Variants in NOS1AP observed in about 807,000 individuals in gnomAD.
NOS1AP encodes the protein carboxyl-terminal PDZ ligand of neuronal nitric oxide synthase protein.
A neutral mutation model predicts 56.2 loss-of-function variants in NOS1AP; 21 were observed. That is an observed-to-expected ratio of 0.37 (90% CI 0.26 to 0.54). The LOEUF (loss-of-function observed/expected upper bound fraction) is 0.54, where lower values mean the gene tolerates loss of function less well. Among genes scored for constraint, NOS1AP ranks in the 20% least tolerant of loss-of-function variants. The pLI is 0.84. For synonymous variants in NOS1AP, 270 were observed against 274.6 expected, an observed-to-expected ratio of 0.98 and a Z score of 0.17; for missense variants, 522 against 657.8, an observed-to-expected ratio of 0.79 and a Z score of 2.26.
chr1:162,347,713 A>G (rs572518406), intron 6 of NOS1AP, among the ~76,000 whole-genome samples: 1 of 152,108 alleles, frequency 6.6e-6, no homozygotes, highest in Non-Finnish European at 1.5e-5. Context: ...TTCCCTGGGG[A>G]CTCAGTGGGG....
chr1:162,312,793 G>A (rs1377700951), intron 4 of NOS1AP, among the ~76,000 whole-genome samples: 3 of 151,856 alleles, frequency 2.0e-5, no homozygotes, highest in African/African-American at 7.3e-5. Context: ...TGATCAAGTG[G>A]GCTTCATCCC....
intron 1 of NOS1AP, among the ~76,000 whole-genome samples, chr1:162,113,052 G>A (rs4278353): frequency 0.026 from 3,957 of 152,224 alleles, 159 homozygotes; most frequent in African/African-American, 0.089. Context: ...AGGTATATTA[G>A]GTCAGTGGGT....
chr1:162,362,838 C>A, intron 8 of NOS1AP: 1 of 421,742 alleles, frequency 2.4e-6, no homozygotes, highest in Non-Finnish European at 3.2e-6. Context: ...TTCTCCATGC[C>A]TCCCTTTCCA....
intron 2 of NOS1AP, among the ~76,000 whole-genome samples, chr1:162,193,142 C>T (rs1189543661): frequency 1.3e-5 from 2 of 152,266 alleles, no homozygotes; most frequent in South Asian, 4.1e-4. Context: ...TCTCAGGCTG[C>T]AAGAAACACT....
At chr1:162,361,841 T>C (rs1657914507) in intron 8 of NOS1AP, among the ~76,000 whole-genome samples, 1 of 152,246 alleles carries the variant, frequency 6.6e-6, no homozygotes, top group Non-Finnish European at 1.5e-5. Flanking sequence ...ATTTTTTTCC[T>C]GGCTTCTGTA....
At chr1:162,168,635 A>T (rs1165838754) in intron 2 of NOS1AP, among the ~76,000 whole-genome samples, 2 of 151,488 alleles carry the variant, frequency 1.3e-5, no homozygotes, top group Non-Finnish European at 3.0e-5. Context: ...GCTTGTGGGC[A>T]GGGGGGTGTG....
chr1:162,224,125 C>T (rs1236795785), intron 2 of NOS1AP, among the ~76,000 whole-genome samples: 1 of 151,888 alleles, frequency 6.6e-6, no homozygotes, highest in Non-Finnish European at 1.5e-5. Flanking sequence ...ATTTTGCAGT[C>T]CTAACGCTTT....
chr1:162,169,404 T>C (rs957231742), intron 2 of NOS1AP, among the ~76,000 whole-genome samples: 3 of 152,256 alleles, frequency 2.0e-5, no homozygotes, highest in African/African-American at 7.2e-5. Flanking sequence ...GGGGTGCTAA[T>C]GAGGAGTCAG....
chr1:162,311,426 C>T (rs1255414433), intron 4 of NOS1AP, among the ~76,000 whole-genome samples: 2 of 152,150 alleles, frequency 1.3e-5, no homozygotes, highest in Non-Finnish European at 2.9e-5. Context: ...TAGTGAGTCT[C>T]AGTTAATACC....
intron 2 of NOS1AP, among the ~76,000 whole-genome samples, chr1:162,184,422 G>A (rs911519604): frequency 3.9e-5 from 6 of 152,206 alleles, no homozygotes; most frequent in Non-Finnish European, 7.3e-5. Flanking sequence ...TAATAGACAT[G>A]CTTGACACAG....
chr1:162,310,820 G>T (rs921811739), intron 4 of NOS1AP, among the ~76,000 whole-genome samples: 1 of 151,994 alleles, frequency 6.6e-6, no homozygotes, highest in African/African-American at 2.4e-5. Flanking sequence ...ACCTCTCTGA[G>T]ATTCCTCAGC....
Position 162,137,046 on chromosome 1 carries a change from C to T in NOS1AP, c.106-17359C>T, listed in dbSNP as rs77771805. On this transcript the variant is annotated intron_variant, in intron 1 of 9. Coordinates refer to ENST00000361897, the MANE Select transcript of NOS1AP (RefSeq NM_014697.3). ...GGTACTTGATCTCTGAATTTCCGTT[C>T]TACCCTCAGTCCTCTTGGGCCTTGG... Among the ~76,000 whole-genome samples, 1,098 of 152,276 alleles carry T rather than the reference C, an allele frequency of 7.2e-3. 9 individuals are homozygous for T. The highest frequency in any genetic ancestry group is 0.012 in the Non-Finnish European group (847 of 68,024).
At chr1:162,292,295 C>G (rs542716931) in intron 3 of NOS1AP, among the ~76,000 whole-genome samples, 33 of 152,310 alleles carry the variant, frequency 2.2e-4, no homozygotes, top group African/African-American at 7.7e-4. Context: ...CATGTCTTCC[C>G]TCAAATCTTA....
intron 3 of NOS1AP, among the ~76,000 whole-genome samples, chr1:162,290,410 T>C (rs1240968999): frequency 6.6e-6 from 1 of 152,244 alleles, no homozygotes; most frequent in Non-Finnish European, 1.5e-5. Flanking sequence ...GACAGTTCTC[T>C]GGTATCTTAA....
chr1:162,187,459 A>G (rs558437317), intron 2 of NOS1AP, among the ~76,000 whole-genome samples: 61 of 152,316 alleles, frequency 4.0e-4, no homozygotes, highest in Admixed American at 3.9e-3. Context: ...AGCTGTCAAC[A>G]TCTTTGTAGT....
chr1:162,320,569 A>G (rs1178079612), intron 4 of NOS1AP, among the ~76,000 whole-genome samples: 1 of 152,192 alleles, frequency 6.6e-6, no homozygotes, highest in African/African-American at 2.4e-5. Context: ...TTAAAAAGTA[A>G]TTGGAGCCGG....
chr1:162,239,355 T>C, intron 2 of NOS1AP, among the ~76,000 whole-genome samples: 1 of 152,220 alleles, frequency 6.6e-6, no homozygotes, highest in African/African-American at 2.4e-5. Context: ...AGTTATTGGG[T>C]GAATTCCTAA....
intron 2 of NOS1AP, among the ~76,000 whole-genome samples, chr1:162,258,491 TCTC>T (rs1027300858): frequency 2.4e-4 from 37 of 152,126 alleles, no homozygotes; most frequent in African/African-American, 8.0e-4. Flanking sequence ...TTCTCCCAGC[TCTC>T]CTCTCCTCTC....
At chr1:162,255,490 A>ATTTTTTGTTTTTTTTTTT (rs1653997846) in intron 2 of NOS1AP, among the ~76,000 whole-genome samples, 1 of 60,974 alleles carries the variant, frequency 1.6e-5, no homozygotes, top group Admixed American at 2.2e-4. Context: ...GCTGCTGCTG[A>ATTTTTTGTTTTTTTTTTT]TTTTTTTTTT....
Sources: allele counts gnomAD v4.1 joint callset (sites outside exome capture counted in the v4.1 genomes callset), GRCh38; gene constraint gnomAD v4.1.1; transcripts MANE v1.5; gene names NCBI Gene and HGNC (gene_info 2026-07-23, HGNC 2026-07-21).